The following TANC2 variants were observed in gnomAD, a reference collection of about 807,000 sequenced individuals.
TANC2 encodes the protein tetratricopeptide repeat, ankyrin repeat and coiled-coil containing 2.
A neutral mutation model predicts 210.5 loss-of-function variants in TANC2; 26 were observed. That is an observed-to-expected ratio of 0.12 (90% CI 0.09 to 0.17). TANC2 has a LOEUF of 0.17. Ranked by LOEUF, TANC2 falls within the 10% of genes least tolerant of loss-of-function variation. The pLI is 1.00. For synonymous variants in TANC2, 931 were observed against 967.1 expected (o/e 0.96, Z 0.69); for missense variants, 2,129 against 2,608.9 (o/e 0.82, Z 4.01).
Position 63,355,138 on chromosome 17 carries a change from G to A in TANC2, c.2330G>A (p.Arg777Gln), listed in dbSNP as rs2046743300. ...TTCCCAACCCAGTCTTCCTTTGACC[G>A]GGTGATGCCTCTCCTGAATGTGGCA... is the stretch of plus-strand genomic sequence containing the variant. Residue 777 changes from arginine (R) to glutamine (Q), a missense_variant, in exon 14 of 28, where the codon CGG (arginine) becomes CAG (glutamine). Arg to Gln is a conservative substitution (Grantham distance 43). Transcript: ENST00000689528. 6 of 1,613,836 alleles carry A rather than the reference G, an allele frequency of 3.7e-6. No individual in the cohort carries two copies. The highest frequency in any genetic ancestry group is 1.1e-5 in the South Asian group (1 of 91,078).
chr17:63,178,717 G>A (rs570646774), intron 5 of TANC2, among the ~76,000 whole-genome samples: 2 of 152,216 alleles, frequency 1.3e-5, no homozygotes, highest in Non-Finnish European at 2.9e-5. Flanking sequence ...AGAATAAGCA[G>A]TTTATAATCA....
At chr17:63,313,583 TA>T (rs2045204446) in intron 9 of TANC2, 1 of 151,830 alleles carries the variant, frequency 6.6e-6, no homozygotes. Context: ...AAGAGAGATG[TA>T]TAAGCCAAAA....
At position 63,219,463 on chromosome 17, in the gene TANC2, A is replaced by G. The variant is rs141315027; in HGVS notation, c.770-18351A>G. Among the ~76,000 whole-genome samples, 266 of 152,306 alleles carry G rather than the reference A, an allele frequency of 1.7e-3. 8 individuals carry two copies. In the East Asian group the frequency reaches 0.046, roughly 27 times the overall value. On this transcript the variant is annotated intron_variant, in intron 7 of 27. Transcript: ENST00000689528. Reference sequence around the variant, plus strand: ...GAAAAAGTTTTTCAATTCCTCGTCTATACATTCAGTGCAATCCCAAACAAA... The same window carrying G: ...GAAAAAGTTTTTCAATTCCTCGTCTGTACATTCAGTGCAATCCCAAACAAA...
At chr17:63,200,445 G>A (rs1448206130) in intron 6 of TANC2, among the ~76,000 whole-genome samples, 1 of 151,564 alleles carries the variant, frequency 6.6e-6, no homozygotes, top group African/African-American at 2.4e-5. Context: ...TTGATTGCAA[G>A]GAAAACTTGC....
intron 4 of TANC2, among the ~76,000 whole-genome samples, chr17:63,105,021 AATT>A (rs377469507): frequency 4.0e-5 from 6 of 151,614 alleles, no homozygotes; most frequent in Non-Finnish European, 1.5e-5. Context: ...ATGTTAGCTA[AATT>A]ATTATTATAG....
rs114593390 is a variant in TANC2, at chr17:63,247,369, G to A, written c.1033+9292G>A. ...ATAGAAAACATACTGTTTATATCATGTATTATAAAACTGATTTCTTTACGA... is the reference window on the plus strand; with the variant it reads ...ATAGAAAACATACTGTTTATATCATATATTATAAAACTGATTTCTTTACGA... On this transcript the variant is annotated intron_variant, in intron 8 of 27. Transcript: ENST00000689528. 4.2e-3 allele frequency among the ~76,000 whole-genome samples: 634 copies of A among 151,428 alleles called. 5 individuals are homozygous for A. Among genetic ancestry groups the A allele is most frequent in the African/African-American group, 0.013 (551 of 41,336 alleles).
chr17:63,225,375 G>A (rs1276343173), intron 7 of TANC2, among the ~76,000 whole-genome samples: 2 of 152,100 alleles, frequency 1.3e-5, no homozygotes, highest in African/African-American at 4.8e-5. Flanking sequence ...TTCAACGGGT[G>A]TCATTTTAGG....
rs2039335916 is a variant in TANC2, at chr17:63,142,865, G to A, written c.323-8405G>A. ...CATATATTAAACTCCGATGAGTTGG[G>A]GGGCATCTGCAATACATTTTTCTCT... is the stretch of plus-strand genomic sequence containing the variant. On this transcript the variant is annotated intron_variant, in intron 4 of 27. Coordinates refer to ENST00000689528, the Ensembl canonical transcript of TANC2. 2.0e-5 allele frequency among the ~76,000 whole-genome samples: 3 copies of A among 152,090 alleles called. No homozygotes were observed. In the South Asian group the frequency reaches 6.2e-4, roughly 31 times the overall value.
chr17:63,277,905 A>G (rs1190742617), intron 9 of TANC2, among the ~76,000 whole-genome samples: 1 of 152,038 alleles, frequency 6.6e-6, no homozygotes, highest in African/African-American at 2.4e-5. Flanking sequence ...GGTACAGTGG[A>G]TCGTGCCTGT....
chr17:63,237,786 TA>T (rs1382687872), intron 7 of TANC2, 27 bp from the exon 8 acceptor site: 2 of 1,521,010 alleles, frequency 1.3e-6, no homozygotes, highest in Non-Finnish European at 1.8e-6. Flanking sequence ...GTGGCTTTAT[TA>T]AATTCATTTT....
Position 63,421,326 on chromosome 17 carries a change from T to A in TANC2, c.5596T>A (p.Phe1866Ile). Reference sequence around the variant, plus strand: ...GCATTCCCAAAGTGTAGGCCTTCGCTTCTCTCCATCTAGCAATAGTATCTC... The same window carrying A: ...GCATTCCCAAAGTGTAGGCCTTCGCATCTCTCCATCTAGCAATAGTATCTC... Residue 1866 changes from phenylalanine to isoleucine, a missense_variant, in exon 28 of 28, where the codon TTC (phenylalanine) becomes ATC (isoleucine). Around this residue, in one of 5 missense-constraint regions of TANC2, gnomAD observed 584 missense variants for 627.3 expected, o/e 0.93. Coordinates refer to ENST00000689528, the Ensembl canonical transcript of TANC2. The surrounding 1 kb of genome is among the most constrained non-coding windows in gnomAD (Gnocchi z 6.9). The A allele has an allele frequency of 1.9e-6, 3 of 1,614,026 alleles. No individual in the cohort carries two copies. Among genetic ancestry groups the A allele is most frequent in the Non-Finnish European group, 2.5e-6 (3 of 1,179,892 alleles).
chr17:63,072,715 T>G lies in TANC2; in HGVS notation c.68-1228T>G, dbSNP rs550103769. Among the ~76,000 whole-genome samples, 4 of 152,216 alleles carry G rather than the reference T, an allele frequency of 2.6e-5. No individual in the cohort carries two copies. The East Asian group carries it at 7.7e-4, about 29-fold the overall frequency. On this transcript the variant is annotated intron_variant, in intron 2 of 27. Transcript: ENST00000689528. ...TATTTCCTGGCAATGTACTTATTAT[T>G]TTGTATTGTCGTCGTATATTTGGAA...
chr17:63,412,669 T>G lies in TANC2; in HGVS notation c.3899-11T>G. 1 of 1,535,568 alleles carries G rather than the reference T, an allele frequency of 6.5e-7. No individual in the cohort carries two copies. The highest frequency in any genetic ancestry group is 8.7e-7 in the Non-Finnish European group (1 of 1,146,630). On this transcript the variant is annotated splice_polypyrimidine_tract_variant and intron_variant, in intron 23 of 27. Coordinates refer to ENST00000689528, the Ensembl canonical transcript of TANC2. The surrounding 1 kb of genome is among the most constrained non-coding windows in gnomAD (Gnocchi z 4.2). Reference sequence around the variant, plus strand: ...TCTCCTACAACTTTTTGTTTTCTCCTTTCTTTGAAGGTTGTCAGACGTTAC... The same window carrying G: ...TCTCCTACAACTTTTTGTTTTCTCCGTTCTTTGAAGGTTGTCAGACGTTAC...
chr17:62,967,872 A>G (rs2031448415), intron 1 of TANC2, among the ~76,000 whole-genome samples: 1 of 152,204 alleles, frequency 6.6e-6, no homozygotes, highest in Non-Finnish European at 1.5e-5. Flanking sequence ...ATAAAAAGCA[A>G]CAACATGGAT....
At chr17:63,324,150 C>T (rs1331781071) in intron 11 of TANC2, among the ~76,000 whole-genome samples, 1 of 152,190 alleles carries the variant, frequency 6.6e-6, no homozygotes, top group African/African-American at 2.4e-5. Flanking sequence ...AATCTCCCAA[C>T]ACATTAAGCA....
intron 7 of TANC2, among the ~76,000 whole-genome samples, chr17:63,217,992 A>T (rs963169807): frequency 4.6e-5 from 7 of 152,334 alleles, no homozygotes; most frequent in African/African-American, 1.7e-4. Flanking sequence ...ATACAAAAAA[A>T]AAACAGCATT....
intron 4 of TANC2, among the ~76,000 whole-genome samples, chr17:63,123,827 G>A (rs2038591843): frequency 6.7e-6 from 1 of 149,620 alleles, no homozygotes; most frequent in Non-Finnish European, 1.5e-5. Context: ...TCAGCCTCCC[G>A]AGTAGCTGGG....
chr17:63,072,849 A>G (rs1351854537), intron 2 of TANC2, among the ~76,000 whole-genome samples: 1 of 152,158 alleles, frequency 6.6e-6, no homozygotes, highest in East Asian at 1.9e-4. Flanking sequence ...GGCCTTACAT[A>G]TAATAAATAT....
At chr17:63,181,205 A>G (rs1308534327) in intron 5 of TANC2, among the ~76,000 whole-genome samples, 2 of 152,064 alleles carry the variant, frequency 1.3e-5, no homozygotes, top group South Asian at 2.1e-4. Flanking sequence ...ATAACTGCCC[A>G]TGGTTTGTTA....
Sources: allele counts gnomAD v4.1 joint callset (sites outside exome capture counted in the v4.1 genomes callset), GRCh38; gene constraint gnomAD v4.1.1; regional missense constraint gnomAD v4.1.1; non-coding constraint Gnocchi (gnomAD v3.1); transcripts MANE v1.5; gene names NCBI Gene and HGNC (gene_info 2026-07-23, HGNC 2026-07-21).